The following PTPN14 variants were observed in gnomAD, a reference collection of about 807,000 sequenced individuals.
PTPN14 encodes protein tyrosine phosphatase non-receptor type 14.
PTPN14 carries 53 observed loss-of-function variants against 126.8 expected under a neutral mutation model. That is an observed-to-expected ratio of 0.42 (90% confidence interval 0.34 to 0.53). The LOEUF (loss-of-function observed/expected upper bound fraction) is 0.53, where lower values mean the gene tolerates loss of function less well. Among genes scored for constraint, PTPN14 ranks in the 20% least tolerant of loss-of-function variants. The pLI, the probability that PTPN14 is intolerant of heterozygous loss-of-function variation, is 0.08. For missense variants in PTPN14, 1,257 were observed against 1,552.9 expected (o/e 0.81, Z 3.20); for synonymous variants, 630 against 599.3 (o/e 1.05, Z -0.75).
At chr1:214,408,075 T>C (rs1182863960) in intron 5 of PTPN14, among the ~76,000 whole-genome samples, 4 of 152,228 alleles carry the variant, frequency 2.6e-5, no homozygotes, top group African/African-American at 9.6e-5. Context: ...CTTTCAGCCT[T>C]CCCTAATCCC....
intron 16 of PTPN14, among the ~76,000 whole-genome samples, chr1:214,370,280 C>A (rs76857767): frequency 0.014 from 1,389 of 96,108 alleles, no homozygotes; most frequent in South Asian, 0.019. Context: ...GATTCCATCT[C>A]AAAAAAAAAA....
chr1:214,373,561 ACAC>A (rs1658269900), intron 15 of PTPN14, among the ~76,000 whole-genome samples: 1 of 818 alleles, frequency 1.2e-3, no homozygotes, highest in Non-Finnish European at 3.0e-3. Context: ...TCATTGAAAC[ACAC>A]ACACACACAC....
In PTPN14 at chr1:214,401,933, T is replaced by C. The variant is rs547358262; in HGVS notation, c.582-161A>G. 1.6e-4 allele frequency among the ~76,000 whole-genome samples: 24 copies of C among 152,302 alleles called. No homozygotes were observed. The East Asian group carries it at 4.4e-3, about 28-fold the overall frequency. The stretch of plus-strand genomic sequence containing the variant: ...GTAGGGTGCATTACTAAGTAATTCA[T>C]TGACATCTTTCCCAGTAGCCTTTTA... On this transcript the variant is annotated intron_variant, in intron 6 of 18. Coordinates refer to ENST00000366956, the MANE Select transcript of PTPN14 (RefSeq NM_005401.5).
intron 9 of PTPN14, 40 bp downstream of exon 9, chr1:214,394,859 G>A: frequency 3.2e-6 from 5 of 1,555,040 alleles, no homozygotes; most frequent in Non-Finnish European, 2.7e-6. Flanking sequence ...CCAAAAGCCA[G>A]TGTCTTGTCA....
intron 1 of PTPN14, among the ~76,000 whole-genome samples, chr1:214,483,595 A>C (rs1369491501): frequency 6.6e-6 from 1 of 152,124 alleles, no homozygotes; most frequent in Non-Finnish European, 1.5e-5. Flanking sequence ...CTGCTAATTT[A>C]ATCTATTTCC....
intron 1 of PTPN14, among the ~76,000 whole-genome samples, chr1:214,492,617 T>C (rs1661275375): frequency 1.3e-5 from 2 of 152,132 alleles, no homozygotes; most frequent in Admixed American, 6.5e-5. Flanking sequence ...CTACAAAGAA[T>C]GTGTTGTCGG....
chr1:214,546,614 C>A (rs1655975478), intron 1 of PTPN14, among the ~76,000 whole-genome samples: 1 of 152,174 alleles, frequency 6.6e-6, no homozygotes, highest in Non-Finnish European at 1.5e-5. Context: ...TATTTTTCTA[C>A]TTAGAGACGA....
At chr1:214,497,006 G>T (rs1654537805) in intron 1 of PTPN14, among the ~76,000 whole-genome samples, 1 of 151,830 alleles carries the variant, frequency 6.6e-6, no homozygotes, top group Admixed American at 6.6e-5. Flanking sequence ...AAAACTGAGA[G>T]ACCATACAGA....
At chr1:214,426,162 T>G (rs74139870) in intron 3 of PTPN14, among the ~76,000 whole-genome samples, 2,221 of 152,176 alleles carry the variant, frequency 0.015, 54 homozygotes, top group African/African-American at 0.05. Context: ...ATAATTTTCT[T>G]TTGCAGAATC....
intron 10 of PTPN14, among the ~76,000 whole-genome samples, chr1:214,392,046 C>T (rs1304914767): frequency 2.0e-5 from 3 of 152,112 alleles, no homozygotes; most frequent in Admixed American, 2.0e-4. Context: ...GAGAGTATCG[C>T]CCTCTGGAGA....
intron 4 of PTPN14, among the ~76,000 whole-genome samples, chr1:214,414,026 C>G (rs541973776): frequency 6.6e-6 from 1 of 152,252 alleles, no homozygotes; most frequent in South Asian, 2.1e-4. Context: ...AGTTAAGCCA[C>G]CACTCAATAA....
Position 214,376,269 on chromosome 1 carries a change from T to A in PTPN14, c.2857A>T (p.Ile953Leu). ...VPYEENRVELIPTKENNTGYI... is the reference protein window; with the variant it reads ...VPYEENRVELLPTKENNTGYI... ...CCTGTGTTATTTTCTTTGGTTGGTA[T>A]CAGCTCTACTCGATTCTCCTCATAG... Residue 953 changes from isoleucine to leucine, a missense_variant, in exon 15 of 19, where the codon ATA (isoleucine) becomes TTA (leucine). By Grantham distance (5) the Ile-to-Leu change is conservative. Around this residue, in one of 3 missense-constraint regions of PTPN14, gnomAD observed 65 missense variants for 139.7 expected, o/e 0.47. Transcript: ENST00000366956. 1 of 1,614,244 alleles carries A rather than the reference T, an allele frequency of 6.2e-7. No homozygotes were observed. The highest frequency in any genetic ancestry group is 8.5e-7 in the Non-Finnish European group (1 of 1,180,040).
chr1:214,379,155 G>C (rs1294412082), intron 13 of PTPN14, among the ~76,000 whole-genome samples: 1 of 152,208 alleles, frequency 6.6e-6, no homozygotes, highest in Non-Finnish European at 1.5e-5. Flanking sequence ...AGAAGCAGAT[G>C]AGTTTTGCAG....
intron 18 of PTPN14, among the ~76,000 whole-genome samples, chr1:214,363,556 A>C (rs955641843): frequency 1.3e-5 from 2 of 152,184 alleles, no homozygotes; most frequent in African/African-American, 4.8e-5. Context: ...AATCTTACTC[A>C]GCGTTTGGAG....
At position 214,372,881 on chromosome 1, in the gene PTPN14, G is replaced by A. The variant is rs771732908; in HGVS notation, c.2908-42C>T. ...GTATCGGTAAATAAACCCCAAGTCC[G>A]GACAACATTACCTGCTGATCACCTG... On this transcript the variant is annotated intron_variant, in intron 15 of 18. Coordinates refer to ENST00000366956, the MANE Select transcript of PTPN14 (RefSeq NM_005401.5). The A allele has an allele frequency of 2.5e-5, 40 of 1,608,888 alleles. 1 individual carries two copies. Among genetic ancestry groups the A allele is most frequent in the Middle Eastern group, 1.6e-4 (1 of 6,062 alleles).
At chr1:214,373,166 C>T (rs988238373) in intron 15 of PTPN14, among the ~76,000 whole-genome samples, 3 of 152,150 alleles carry the variant, frequency 2.0e-5, no homozygotes, top group Admixed American at 2.0e-4. Flanking sequence ...GCAATTCTCC[C>T]GTCTCAGAAT....
At chr1:214,517,268 G>A (rs908538046) in intron 1 of PTPN14, among the ~76,000 whole-genome samples, 1 of 151,068 alleles carries the variant, frequency 6.6e-6, no homozygotes, top group Non-Finnish European at 1.5e-5. Context: ...CAAACTTTAT[G>A]TATGTATGAC....
Position 214,427,276 on chromosome 1 carries a change from CAAAAAAA to C in PTPN14, c.345-12557_345-12551del, listed in dbSNP as rs5741915. Among the ~76,000 whole-genome samples the C allele has an allele frequency of 1.4e-4, 9 of 65,204 alleles. No homozygotes were observed. The East Asian group carries it at 3.8e-3, about 27-fold the overall frequency. 42.8% of individuals were successfully genotyped at this position (65,204 alleles called of 152,430 possible). ...TTGGCGACAGAGTGAGTCTCCATCT[CAAAAAAA>C]AAAAAAAAAAAAAAAAAATTATGAT... On this transcript the variant is annotated intron_variant, in intron 3 of 18. Transcript: ENST00000366956.
At chr1:214,378,520 C>T (rs143231857) in intron 13 of PTPN14, among the ~76,000 whole-genome samples, 36 of 152,188 alleles carry the variant, frequency 2.4e-4, no homozygotes, top group South Asian at 2.1e-4. Context: ...ACAGACGGAA[C>T]GGAGCAAAAC....
Sources: allele counts gnomAD v4.1 joint callset (sites outside exome capture counted in the v4.1 genomes callset), GRCh38; gene constraint gnomAD v4.1.1; regional missense constraint gnomAD v4.1.1; transcripts MANE v1.5; gene names NCBI Gene and HGNC (gene_info 2026-07-23, HGNC 2026-07-21).